KIAA1217: variants seen among roughly 807,000 people sequenced by gnomAD.
KIAA1217 encodes the protein KIAA1217.
KIAA1217 carries 88 observed loss-of-function variants against 163.9 expected under a neutral mutation model. That is an observed-to-expected ratio of 0.54 (90% CI 0.45 to 0.64). KIAA1217 has a LOEUF of 0.64. KIAA1217 is among the 30% of genes least tolerant of loss of function. The pLI is 0.00. For synonymous variants in KIAA1217, 903 were observed against 923.1 expected, an observed-to-expected ratio of 0.98 and a Z score of 0.39; for missense variants, 2,372 against 2,475.0, an observed-to-expected ratio of 0.96 and a Z score of 0.88.
intron 2 of KIAA1217, among the ~76,000 whole-genome samples, chr10:24,023,985 A>G (rs1174887702): frequency 1.3e-5 from 2 of 151,524 alleles, no homozygotes; most frequent in Non-Finnish European, 3.0e-5. Flanking sequence ...CAGAAGGTAA[A>G]TGCTAGAGCC....
At chr10:24,275,929 C>T (rs2077237081) in intron 2 of KIAA1217, 4 of 414,696 alleles carry the variant, frequency 9.6e-6, no homozygotes, top group Admixed American at 3.1e-5. Context: ...ACTGTCTTTC[C>T]ATACCCCTCC....
At chr10:24,306,010 G>A (rs777874373) in intron 2 of KIAA1217, among the ~76,000 whole-genome samples, 8 of 152,268 alleles carry the variant, frequency 5.3e-5, no homozygotes, top group African/African-American at 9.6e-5. Flanking sequence ...TACTATTGAC[G>A]TCAGAGTTAA....
At chr10:24,036,330 G>A (rs1248833058) in intron 2 of KIAA1217, among the ~76,000 whole-genome samples, 2 of 152,208 alleles carry the variant, frequency 1.3e-5, no homozygotes, top group Middle Eastern at 3.4e-3. Flanking sequence ...ATCCAGTCAC[G>A]AAACTAAATA....
intron 2 of KIAA1217, among the ~76,000 whole-genome samples, chr10:24,085,763 A>G (rs1472830850): frequency 2.0e-5 from 3 of 152,106 alleles, no homozygotes; most frequent in African/African-American, 7.2e-5. Context: ...GCTTGAGCCC[A>G]GGAGTTTGAG....
At chr10:23,928,244 C>G (rs1434912728) in intron 1 of KIAA1217, among the ~76,000 whole-genome samples, 2 of 152,136 alleles carry the variant, frequency 1.3e-5, no homozygotes, top group Non-Finnish European at 2.9e-5. Flanking sequence ...GGGCCACGGT[C>G]CAGATGGACT....
chr10:24,369,179 A>ATGTGTGTG (rs59687010), intron 2 of KIAA1217, among the ~76,000 whole-genome samples: 22,141 of 139,402 alleles, frequency 0.16, 2,106 homozygotes, highest in African/African-American at 0.26. Context: ...AACTTTCACT[A>ATGTGTGTG]TGTGTGTGTG....
intron 10 of KIAA1217, 144 bp from the exon 11 acceptor site, chr10:24,519,979 C>T (rs1166887995): frequency 2.3e-6 from 2 of 876,078 alleles, no homozygotes; most frequent in Non-Finnish European, 3.5e-6. Context: ...TGAGCGACCC[C>T]CCTCCACCAC....
chr10:24,456,228 G>C (rs1247869210), intron 5 of KIAA1217, among the ~76,000 whole-genome samples: 5 of 152,132 alleles, frequency 3.3e-5, no homozygotes, highest in African/African-American at 1.2e-4. Flanking sequence ...ATATAATACA[G>C]TATGATGTTC....
At chr10:23,764,449 G>A (rs1834412799) in intron 1 of KIAA1217, among the ~76,000 whole-genome samples, 1 of 152,124 alleles carries the variant, frequency 6.6e-6, no homozygotes, top group African/African-American at 2.4e-5. Flanking sequence ...TACTGGATAT[G>A]TACTCAAAGG....
At chr10:23,860,611 T>C (rs1839905983) in intron 1 of KIAA1217, among the ~76,000 whole-genome samples, 3 of 152,340 alleles carry the variant, frequency 2.0e-5, no homozygotes, top group South Asian at 2.1e-4. Context: ...AATTCAGATA[T>C]GCAGTTTTAA....
intron 1 of KIAA1217, among the ~76,000 whole-genome samples, chr10:23,699,933 GC>G (rs1232179927): frequency 6.6e-6 from 1 of 152,160 alleles, no homozygotes; most frequent in Admixed American, 6.5e-5. Flanking sequence ...ATACTGTTTG[GC>G]ACACAATGGA....
chr10:23,744,313 C>T (rs1839281840), intron 1 of KIAA1217, among the ~76,000 whole-genome samples: 1 of 152,122 alleles, frequency 6.6e-6, no homozygotes, highest in Non-Finnish European at 1.5e-5. Flanking sequence ...AGAAGAGGAT[C>T]CAAATTGGCG....
chr10:23,756,751 G>A (rs1444689195), intron 1 of KIAA1217, among the ~76,000 whole-genome samples: 4 of 151,928 alleles, frequency 2.6e-5, no homozygotes, highest in African/African-American at 9.7e-5. Context: ...ATTATTTATT[G>A]TGGTAAAACA....
At chr10:23,727,639 C>T (rs772836106) in intron 1 of KIAA1217, among the ~76,000 whole-genome samples, 10 of 152,046 alleles carry the variant, frequency 6.6e-5, no homozygotes, top group Non-Finnish European at 8.8e-5. Flanking sequence ...CGTTGCTTTT[C>T]AAAAAATAGA....
At chr10:24,391,330 TTTC>T (rs1564599724) in intron 3 of KIAA1217, among the ~76,000 whole-genome samples, 1 of 42,882 alleles carries the variant, frequency 2.3e-5, no homozygotes, top group African/African-American at 4.3e-4. Context: ...TCTTTCTTTC[TTTC>T]TTTTTTTTTT....
chr10:23,799,289 A>C (rs1319256918), intron 1 of KIAA1217, among the ~76,000 whole-genome samples: 4 of 152,214 alleles, frequency 2.6e-5, no homozygotes, highest in Non-Finnish European at 5.9e-5. Flanking sequence ...TAAATTTTGA[A>C]GAGGAAACTA....
At chr10:23,891,002 A>T (rs993127593) in intron 1 of KIAA1217, among the ~76,000 whole-genome samples, 2 of 151,926 alleles carry the variant, frequency 1.3e-5, no homozygotes, top group Non-Finnish European at 2.9e-5. Context: ...TCTTTAACTC[A>T]ACTAATATCT....
intron 2 of KIAA1217, among the ~76,000 whole-genome samples, chr10:24,371,316 GA>G (rs1213360483): frequency 6.6e-6 from 1 of 151,506 alleles, no homozygotes; most frequent in Non-Finnish European, 1.5e-5. Context: ...CTCTTCAAGG[GA>G]AAAAAAAGAA....
At position 24,536,003 on chromosome 10, in the gene KIAA1217, G is replaced by C. The variant is rs548612817; in HGVS notation, c.3415-771G>C. Among the ~76,000 whole-genome samples, 18 of 152,188 alleles carry C rather than the reference G, an allele frequency of 1.2e-4. No individual in the cohort carries two copies. In the South Asian group the frequency reaches 3.7e-3, roughly 32 times the overall value. ...GTTGTCCATAAACTTGGGTCCCTGA[G>C]TTACCAGTCTCTCCTTCTCTCATGA... On this transcript the variant is annotated intron_variant, in intron 16 of 20. Coordinates refer to ENST00000376454, the MANE Select transcript of KIAA1217 (RefSeq NM_019590.5).
Sources: gnomAD v4.1 joint callset for allele counts (sites outside exome capture counted in the v4.1 genomes callset) on GRCh38, gnomAD v4.1.1 for gene constraint, MANE v1.5 for transcripts, NCBI Gene and HGNC (gene_info 2026-07-23, HGNC 2026-07-21) for gene names.